SRSF9: variants seen among roughly 807,000 people sequenced by gnomAD.
The protein encoded by SRSF9 is serine/arginine-rich splicing factor 9.
A neutral mutation model predicts 25.9 loss-of-function variants in SRSF9; 3 were observed. The observed-to-expected ratio is 0.12, with a 90% CI of 0.05 to 0.30. SRSF9 has a LOEUF of 0.30. SRSF9 is among the 10% of genes least tolerant of loss of function. The pLI is 1.00. For missense variants in SRSF9, 161 were observed against 303.5 expected (o/e 0.53, Z 3.49); for synonymous variants, 114 against 113.2 (o/e 1.01, Z -0.05).
rs1186390648 is a variant in SRSF9, at chr12:120,469,605, G to C, written c.5C>G (p.Ser2Trp). Residue 2 changes from serine (S) to tryptophan (W), a missense_variant, in exon 1 of 4, where the codon TCG becomes TGG. Physicochemically the swap from Ser to Trp is radical, Grantham distance 177. Coordinates refer to ENST00000229390, the MANE Select transcript of SRSF9 (RefSeq NM_003769.3). Reference protein sequence around the residue: MSGWADERGGEG... With the variant: MWGWADERGGEG... The stretch of plus-strand genomic sequence containing the variant: ...GCCGCCGCGCTCGTCCGCCCAGCCC[G>C]ACATCCGCACCGCCCGACGCCGCGG... The C allele has an allele frequency of 2.7e-6, 4 of 1,493,296 alleles. No homozygotes were observed. The highest frequency in any genetic ancestry group is 2.5e-5 in the South Asian group (2 of 78,744). 92.5% of individuals were successfully genotyped at this position (1,493,296 alleles called of 1,614,324 possible). A position where few individuals can be genotyped will look rare whatever the true frequency, so the allele number is the denominator to read the frequency against.
chr12:120,465,385 A>G, intron 2 of SRSF9: 2 of 344,936 alleles, frequency 5.8e-6, no homozygotes, highest in South Asian at 1.0e-4. Context: ...TTTCCTTCTC[A>G]CCACTAGAAA....
Position 120,462,135 on chromosome 12 carries a change from G to C in SRSF9, c.550C>G (p.Pro184Ala). 6.2e-7 allele frequency: 1 copy of C among 1,612,846 alleles called. No individual in the cohort carries two copies. The highest frequency in any genetic ancestry group is 8.5e-7 in the Non-Finnish European group (1 of 1,179,742). Residue 184 changes from proline to alanine, a missense_variant, in exon 4 of 4, where the codon CCT becomes GCT. By Grantham distance (27) the Pro-to-Ala change is conservative. Transcript: ENST00000229390. ...TAGCCATAGCTGGTGCTTCTCTCAGGATAAACTCGGATGTAGGAAGTTTCA... is the reference window on the plus strand; with the variant it reads ...TAGCCATAGCTGGTGCTTCTCTCAGCATAAACTCGGATGTAGGAAGTTTCA... ...EGETSYIRVY[P>A]ERSTSYGYSR... is the part of the protein sequence containing the mutation.
rs757706169 is a variant in SRSF9, at chr12:120,469,597, C to T, written c.13G>A (p.Ala5Thr). The T allele has an allele frequency of 1.5e-4, 219 of 1,509,662 alleles. No homozygotes were observed. The highest frequency in any genetic ancestry group is 1.8e-4 in the Non-Finnish European group (204 of 1,131,812). 93.5% of individuals were successfully genotyped at this position (1,509,662 alleles called of 1,614,324 possible). The change falls in exon 1 of 4, where the codon GCG becomes ACG. Residue 5 changes from alanine (A) to threonine (T), a missense_variant. Coordinates refer to ENST00000229390, the MANE Select transcript of SRSF9 (RefSeq NM_003769.3). MSGW[A>T]DERGGEGDGR... Reference sequence around the variant, plus strand: ...TCGCCCTCGCCGCCGCGCTCGTCCGCCCAGCCCGACATCCGCACCGCCCGA... The same window carrying T: ...TCGCCCTCGCCGCCGCGCTCGTCCGTCCAGCCCGACATCCGCACCGCCCGA...
In SRSF9 at chr12:120,465,692, C is replaced by G; in HGVS notation, c.284G>C (p.Gly95Ala). ...CCCATTCCTCCCACCACGGGGCCAC[C>G]CACCCCGACCTCCATAAGTCCTGGG... is the stretch of plus-strand genomic sequence containing the variant. The part of the protein sequence containing the change: ...EFPRTYGGRG[G>A]WPRGGRNGPP... Residue 95 changes from glycine to alanine, a missense_variant, in exon 2 of 4, where the codon GGG becomes GCG. Coordinates refer to ENST00000229390, the MANE Select transcript of SRSF9 (RefSeq NM_003769.3). 1 of 1,603,532 alleles carries G rather than the reference C, an allele frequency of 6.2e-7. No homozygotes were observed. The highest frequency in any genetic ancestry group is 1.3e-5 in the African/African-American group (1 of 74,224).
At chr12:120,462,453 C>G (rs953244256) in intron 3 of SRSF9, 5 of 253,216 alleles carry the variant, frequency 2.0e-5, no homozygotes, top group Non-Finnish European at 3.1e-5. Context: ...AACAATATAT[C>G]TGAATTACTG....
At chr12:120,462,299 A>G (rs1030875996) in intron 3 of SRSF9, 137 bp from the exon 4 acceptor site, 8 of 858,088 alleles carry the variant, frequency 9.3e-6, no homozygotes, top group Non-Finnish European at 1.0e-5. Context: ...AGGCTATCTC[A>G]TTAAACCTTC....
At position 120,469,410 on chromosome 12, in the gene SRSF9, C is replaced by G; in HGVS notation, c.188+12G>C. 2 of 1,552,448 alleles carry G rather than the reference C, an allele frequency of 1.3e-6. No individual in the cohort carries two copies. The highest frequency in any genetic ancestry group is 1.2e-5 in the South Asian group (1 of 85,466). On this transcript the variant is annotated intron_variant, in intron 1 of 3. Coordinates refer to ENST00000229390, the MANE Select transcript of SRSF9 (RefSeq NM_003769.3). ...CACCGAGGAGGAGAGGGCAGGGGCG[C>G]GGGGGCCTCACCGGGGGTCCTCGAA...
intron 1 of SRSF9, among the ~76,000 whole-genome samples, chr12:120,469,009 C>G (rs1040937727): frequency 3.3e-5 from 5 of 151,958 alleles, no homozygotes; most frequent in African/African-American, 1.2e-4. Flanking sequence ...TCTCCAGCCA[C>G]GGCGAGCACG....
intron 3 of SRSF9, chr12:120,463,712 GATACTAAT>G (rs1382005325): frequency 2.4e-6 from 1 of 418,262 alleles, no homozygotes; most frequent in Non-Finnish European, 4.2e-6. Flanking sequence ...TGTGTAATGT[GATACTAAT>G]ATGCAGAATA....
intron 1 of SRSF9, 78 bp downstream of exon 1, chr12:120,469,344 G>GGGGGAGGGGAA (rs1565918297): frequency 9.5e-7 from 1 of 1,047,912 alleles, no homozygotes. Context: ...GGGGAGGGGA[G>GGGGGAGGGGAA]CCCTGGGGGA....
In SRSF9 at chr12:120,464,019, C is replaced by T; in HGVS notation, c.453G>A (p.Glu151=). 1.9e-6 allele frequency: 3 copies of T among 1,614,158 alleles called. No individual in the cohort carries two copies. Among genetic ancestry groups the T allele is most frequent in the Non-Finnish European group, 2.5e-6 (3 of 1,180,010 alleles). ...DVQKDGVGMV[E]YLRKEDMEYA... is the part of the protein sequence containing the mutation. Reference sequence around the variant, plus strand: ...ATTCCATGTCTTCTTTTCTGAGATACTCGACCATCCCCACTCCATCCTTCT... The same window carrying T: ...ATTCCATGTCTTCTTTTCTGAGATATTCGACCATCCCCACTCCATCCTTCT... The change falls in exon 3 of 4, where the codon GAG becomes GAA. Residue 151 remains glutamate (E), a synonymous_variant. Transcript: ENST00000229390.
At chr12:120,462,993 G>C (rs1379290436) in intron 3 of SRSF9, 1 of 152,126 alleles carries the variant, frequency 6.6e-6, no homozygotes, top group African/African-American at 2.4e-5. Flanking sequence ...ACCAGGGAAG[G>C]ACCAACCTCT....
chr12:120,469,345 C>G (rs1359449799), intron 1 of SRSF9, 77 bp downstream of exon 1: 6 of 1,122,076 alleles, frequency 5.3e-6, no homozygotes, highest in South Asian at 3.3e-5. Context: ...GGGAGGGGAG[C>G]CCTGGGGGAG....
chr12:120,468,846 G>C (rs1256595775), intron 1 of SRSF9, among the ~76,000 whole-genome samples: 4 of 152,160 alleles, frequency 2.6e-5, no homozygotes, highest in African/African-American at 9.7e-5. Context: ...TGAAATCAGA[G>C]CCCCACTCCG....
chr12:120,466,265 G>C (rs1255197592), intron 1 of SRSF9, among the ~76,000 whole-genome samples: 1 of 152,160 alleles, frequency 6.6e-6, no homozygotes, highest in Non-Finnish European at 1.5e-5. Context: ...TGTAGTCCCA[G>C]CTACTTGAGA....
At chr12:120,465,478 G>T in intron 2 of SRSF9, 149 bp downstream of exon 2, 2 of 784,630 alleles carry the variant, frequency 2.5e-6, no homozygotes, top group Non-Finnish European at 3.6e-6. Flanking sequence ...TTCCTCATTG[G>T]CAATCCAGGG....
rs922500809 is a variant in SRSF9 at position 120,469,198 on chromosome 12, A to G, written c.188+224T>C. On this transcript the variant is annotated intron_variant, in intron 1 of 3. Coordinates refer to ENST00000229390, the MANE Select transcript of SRSF9 (RefSeq NM_003769.3). ...CAGCTTTTGGGTTTCTAAGTAAAAT[A>G]TTGGAATAATAAAAATAAAGGAAGT... is the stretch of plus-strand genomic sequence containing the variant. 1.8e-4 allele frequency among the ~76,000 whole-genome samples: 28 copies of G among 151,942 alleles called. 1 individual carries two copies. The highest frequency in any genetic ancestry group is 3.2e-4 in the Non-Finnish European group (22 of 67,938).
intron 2 of SRSF9, 34 bp downstream of exon 2, chr12:120,465,593 A>G: frequency 6.5e-7 from 1 of 1,550,004 alleles, no homozygotes; most frequent in Non-Finnish European, 8.6e-7. Flanking sequence ...AGTATTTTAC[A>G]TGTATCATCT....
At chr12:120,465,956 C>A (rs1365391231) in intron 1 of SRSF9, among the ~76,000 whole-genome samples, 169 bp from the exon 2 acceptor site, 1 of 152,004 alleles carries the variant, frequency 6.6e-6, no homozygotes, top group Non-Finnish European at 1.5e-5. Context: ...GGTTTGGAGA[C>A]GTTTCATGAT....
Sources: gnomAD v4.1 joint callset for allele counts (sites outside exome capture counted in the v4.1 genomes callset) on GRCh38, gnomAD v4.1.1 for gene constraint, MANE v1.5 for transcripts, NCBI Gene and HGNC (gene_info 2026-07-23, HGNC 2026-07-21) for gene names.